Variants in IDH3B observed in about 807,000 individuals in gnomAD.
IDH3B encodes isocitrate dehydrogenase (NAD(+)) 3 non-catalytic subunit beta, also known as isocitrate dehydrogenase [NAD] subunit beta, mitochondrial.
A neutral mutation model predicts 47.5 loss-of-function variants in IDH3B; 40 were observed. The ratio of observed to expected loss-of-function variants is 0.84; its 90% CI spans 0.65 to 1.10. The LOEUF is 1.10. IDH3B is among the 50% of genes least tolerant of loss of function. The pLI, the probability that IDH3B is intolerant of heterozygous loss-of-function variation, is 0.00. For synonymous variants in IDH3B, 185 were observed against 191.0 expected (o/e 0.97, Z 0.26); for missense variants, 450 against 505.2 (o/e 0.89, Z 1.05).
At chr20:2,662,967 A>G (rs934107146) in intron 4 of IDH3B, among the ~76,000 whole-genome samples, 1 of 150,906 alleles carries the variant, frequency 6.6e-6, no homozygotes, top group Admixed American at 6.6e-5. Context: ...AAAACAAAAC[A>G]AACACAAAAA....
chr20:2,658,920 G>A (rs926812907), intron 11 of IDH3B, 83 bp from the exon 12 acceptor site: 10 of 1,596,122 alleles, frequency 6.3e-6, no homozygotes, highest in Non-Finnish European at 7.7e-6. Flanking sequence ...TTGAGGAAAT[G>A]GAAGCCAAGA....
Position 2,663,946 on chromosome 20 carries a change from C to G in IDH3B, c.96G>C (p.Ala32=). Residue 32 remains alanine, a synonymous_variant, in exon 2 of 12, where the codon GCG becomes GCC. Coordinates refer to ENST00000380843, the MANE Select transcript of IDH3B (RefSeq NM_006899.5). The part of the protein sequence containing the change: ...AWRGLSTSAA[A]HAASRSQAED... ...ATACCTGGCTCCGCGATGCAGCGTGCGCCGCGGCCGAGGTACTCAGACCTC... is the reference window on the plus strand; with the variant it reads ...ATACCTGGCTCCGCGATGCAGCGTGGGCCGCGGCCGAGGTACTCAGACCTC... 1 of 1,614,098 alleles carries G rather than the reference C, an allele frequency of 6.2e-7. No individual in the cohort carries two copies. The highest frequency in any genetic ancestry group is 8.5e-7 in the Non-Finnish European group (1 of 1,180,018).
At chr20:2,658,970 A>T in intron 11 of IDH3B, 133 bp from the exon 12 acceptor site, 4 of 1,393,830 alleles carry the variant, frequency 2.9e-6, no homozygotes, top group Non-Finnish European at 3.7e-6. Context: ...ACAGGAATGG[A>T]AGGAGGAGCC....
At chr20:2,659,031 T>G in intron 11 of IDH3B, 194 bp from the exon 12 acceptor site, 1 of 1,222,352 alleles carries the variant, frequency 8.2e-7, no homozygotes, top group Non-Finnish European at 1.0e-6. Flanking sequence ...CTATTAGCTG[T>G]GCTGCAGCCA....
chr20:2,659,819 A>T, intron 9 of IDH3B, 26 bp from the exon 10 acceptor site: 1 of 1,569,576 alleles, frequency 6.4e-7, no homozygotes, highest in Non-Finnish European at 8.8e-7. Flanking sequence ...CAGGCTAGAC[A>T]CTGGGAGGAG....
chr20:2,663,534 G>C lies in IDH3B; in HGVS notation c.249C>G (p.His83Gln). ...AAAVPVEFQEHHLSEVQNMAS... is the reference protein window; with the variant it reads ...AAAVPVEFQEQHLSEVQNMAS... ...CCATATTCTGCACCTCACTCAGGTG[G>C]TGCTCCTGGAACTCCACTGGGACAG... is the stretch of plus-strand genomic sequence containing the variant. Residue 83 changes from histidine (H) to glutamine (Q), a missense_variant, in exon 4 of 12, where the codon CAC becomes CAG. Coordinates refer to ENST00000380843, the MANE Select transcript of IDH3B (RefSeq NM_006899.5). 6.2e-7 allele frequency: 1 copy of C among 1,614,150 alleles called. No homozygotes were observed. Among genetic ancestry groups the C allele is most frequent in the Non-Finnish European group, 8.5e-7 (1 of 1,180,016 alleles).
In IDH3B at chr20:2,663,728, G is replaced by T; in HGVS notation, c.148C>A (p.Pro50Thr). 6.2e-7 allele frequency: 1 copy of T among 1,614,214 alleles called. No individual in the cohort carries two copies. Among genetic ancestry groups the T allele is most frequent in the Non-Finnish European group, 8.5e-7 (1 of 1,180,038 alleles). ...AEDVRVEGSFPVTMLPGDGVG... is the reference protein window; with the variant it reads ...AEDVRVEGSFTVTMLPGDGVG... Reference sequence around the variant, plus strand: ...CCGTCTCCCGGAAGCATGGTCACGGGAAAGGAGCCCTCCACCCTCACGTCC... The same window carrying T: ...CCGTCTCCCGGAAGCATGGTCACGGTAAAGGAGCCCTCCACCCTCACGTCC... Residue 50 changes from proline (P) to threonine (T), a missense_variant, in exon 3 of 12, where the codon CCC becomes ACC. Coordinates refer to ENST00000380843, the MANE Select transcript of IDH3B (RefSeq NM_006899.5).
chr20:2,659,935 C>T (rs35470138), intron 9 of IDH3B, 95 bp downstream of exon 9: 5 of 1,551,948 alleles, frequency 3.2e-6, no homozygotes, highest in Non-Finnish European at 4.4e-6. Flanking sequence ...GGGGGAAGAA[C>T]AGGCCAAGAT....
In IDH3B at chr20:2,660,136, G is replaced by C; in HGVS notation, c.809C>G (p.Pro270Arg). Residue 270 changes from proline (P) to arginine (R), a missense_variant, in exon 9 of 12, where the codon CCC becomes CGC. By Grantham distance (103) the Pro-to-Arg change is moderately radical. Coordinates refer to ENST00000380843, the MANE Select transcript of IDH3B (RefSeq NM_006899.5). This position sits in a 1 kb window ranked among gnomAD's most constrained non-coding sequence, Gnocchi z 5.6. ...NPYQFDVLVM[P>R]NLYGNIIDNL... The stretch of plus-strand genomic sequence containing the variant: ...GTCAATAATGTTCCCATAGAGATTG[G>C]GCATCACAAGCACATCAAACTGGTA... 1 of 1,614,064 alleles carries C rather than the reference G, an allele frequency of 6.2e-7. No homozygotes were observed. The highest frequency in any genetic ancestry group is 8.5e-7 in the Non-Finnish European group (1 of 1,179,996).
intron 1 of IDH3B, 69 bp from the exon 2 acceptor site, chr20:2,664,074 C>T: frequency 6.2e-7 from 1 of 1,609,890 alleles, no homozygotes; most frequent in Non-Finnish European, 8.5e-7. Flanking sequence ...CTACAGTTGA[C>T]TTTGCCCTGT....
rs774016065 is a variant in IDH3B at position 2,660,659 on chromosome 20, T to C, written c.531+38A>G. On this transcript the variant is annotated intron_variant, in intron 6 of 11. Transcript: ENST00000380843. The surrounding 1 kb of genome is among the most constrained non-coding windows in gnomAD (Gnocchi z 5.6). ...AACAAGGAGCTCCACCTCTCTCCCA[T>C]CTTCATCCTTGCCCTCCCCCAGTTT... 1 of 1,614,154 alleles carries C rather than the reference T, an allele frequency of 6.2e-7. No homozygotes were observed. The highest frequency in any genetic ancestry group is 8.5e-7 in the Non-Finnish European group (1 of 1,180,026).
chr20:2,664,069 G>A (rs540790504), intron 1 of IDH3B, 64 bp from the exon 2 acceptor site: 1 of 1,610,400 alleles, frequency 6.2e-7, no homozygotes, highest in South Asian at 1.1e-5. Context: ...GAACACTACA[G>A]TTGACTTTGC....
At position 2,658,734 on chromosome 20, in the gene IDH3B, G is replaced by A. The variant is rs768770755; in HGVS notation, c.*17C>T. The A allele has an allele frequency of 1.2e-6, 2 of 1,614,178 alleles. No individual in the cohort carries two copies. The highest frequency in any genetic ancestry group is 2.2e-5 in the South Asian group (2 of 91,082). On this transcript the variant is annotated 3_prime_UTR_variant, in exon 12 of 12. Coordinates refer to ENST00000380843, the MANE Select transcript of IDH3B (RefSeq NM_006899.5). ...TGGGGAGTGTGGTCCTTGCAAGGTT[G>A]GAAGAAATAAAGGGCTCTAGCTCCC...
At chr20:2,663,164 G>A (rs887516839) in intron 4 of IDH3B, among the ~76,000 whole-genome samples, 2 of 151,150 alleles carry the variant, frequency 1.3e-5, no homozygotes, top group African/African-American at 2.4e-5. Flanking sequence ...AAAAGAAAAG[G>A]GGCAGCTAAA....
In IDH3B at chr20:2,658,673, C is replaced by T; in HGVS notation, c.*78G>A. 1.2e-6 allele frequency: 2 copies of T among 1,614,094 alleles called. No individual in the cohort carries two copies. Among genetic ancestry groups the T allele is most frequent in the East Asian group, 2.2e-5 (1 of 44,876 alleles). ...GACCATGGTCCACTGCTTAGAGGCA[C>T]AAGGTCTCTTCCCTGGTACACTGCA... On this transcript the variant is annotated 3_prime_UTR_variant, in exon 12 of 12. Transcript: ENST00000380843.
rs769782846 is a variant in IDH3B, at chr20:2,660,383, G to A, written c.666-18C>T. 31 of 1,614,010 alleles carry A rather than the reference G, an allele frequency of 1.9e-5. No individual in the cohort carries two copies. The Middle Eastern group carries it at 4.9e-4, about 26-fold the overall frequency. The stretch of plus-strand genomic sequence containing the variant: ...CAAGTTTCCTGTCCATGGGCCAAAG[G>A]GGACAGAATCAGCCAAGAAAGTACA... On this transcript the variant is annotated intron_variant, in intron 7 of 11. Coordinates refer to ENST00000380843, the MANE Select transcript of IDH3B (RefSeq NM_006899.5). This position sits in a 1 kb window ranked among gnomAD's most constrained non-coding sequence, Gnocchi z 5.6.
rs532656355 is a variant in IDH3B, at chr20:2,660,660, C to T, written c.531+37G>A. On this transcript the variant is annotated intron_variant, in intron 6 of 11. Transcript: ENST00000380843. The surrounding 1 kb of genome is among the most constrained non-coding windows in gnomAD (Gnocchi z 5.6). The stretch of plus-strand genomic sequence containing the variant: ...ACAAGGAGCTCCACCTCTCTCCCAT[C>T]TTCATCCTTGCCCTCCCCCAGTTTC... 9.3e-6 allele frequency: 15 copies of T among 1,614,236 alleles called. No individual in the cohort carries two copies. In the South Asian group the frequency reaches 1.5e-4, roughly 17 times the overall value.
At chr20:2,661,813 TACAGC>T (rs1164291264) in intron 4 of IDH3B, among the ~76,000 whole-genome samples, 1 of 152,172 alleles carries the variant, frequency 6.6e-6, no homozygotes, top group African/African-American at 2.4e-5. Flanking sequence ...AATATCAGGA[TACAGC>T]ACAGAAGAGC....
rs1363866763 is a variant in IDH3B at position 2,663,719 on chromosome 20, T to C, written c.157A>G (p.Met53Val). The C allele has an allele frequency of 1.9e-6, 3 of 1,613,938 alleles. 1 individual carries two copies. Among genetic ancestry groups the C allele is most frequent in the Admixed American group, 3.3e-5 (2 of 59,994 alleles). Residue 53 changes from methionine (M) to valine (V), a missense_variant, in exon 3 of 12, where the codon ATG becomes GTG. Coordinates refer to ENST00000380843, the MANE Select transcript of IDH3B (RefSeq NM_006899.5). Reference sequence around the variant, plus strand: ...GGCCCCACACCGTCTCCCGGAAGCATGGTCACGGGAAAGGAGCCCTCCACC... The same window carrying C: ...GGCCCCACACCGTCTCCCGGAAGCACGGTCACGGGAAAGGAGCCCTCCACC... ...VRVEGSFPVTMLPGDGVGPEL... is the reference protein window; with the variant it reads ...VRVEGSFPVTVLPGDGVGPEL...
Sources: gnomAD v4.1 joint callset for allele counts (sites outside exome capture counted in the v4.1 genomes callset) on GRCh38, gnomAD v4.1.1 for gene constraint, Gnocchi (gnomAD v3.1) non-coding constraint, MANE v1.5 for transcripts, NCBI Gene and HGNC (gene_info 2026-07-23, HGNC 2026-07-21) for gene names.